The following ZNF366 variants were observed in gnomAD, a reference collection of about 807,000 sequenced individuals.
The protein encoded by ZNF366 is zinc finger protein 366.
In ZNF366, 20 loss-of-function variants were observed where a neutral mutation model predicts 47.2. The ratio of observed to expected loss-of-function variants is 0.42; its 90% CI spans 0.30 to 0.62. The LOEUF is 0.62. Ranked by LOEUF, ZNF366 falls within the 20% of genes least tolerant of loss-of-function variation. ZNF366 has a pLI of 0.16. For missense variants in ZNF366, 987 were observed against 976.3 expected (o/e 1.01, Z -0.15); for synonymous variants, 421 against 395.1 (o/e 1.07, Z -0.78).
At chr5:72,477,968 T>C (rs1743708965) in intron 1 of ZNF366, among the ~76,000 whole-genome samples, 1 of 152,308 alleles carries the variant, frequency 6.6e-6, no homozygotes, top group Admixed American at 6.5e-5. Context: ...CAAACAGTTG[T>C]TGAGCCCACT....
intron 1 of ZNF366, among the ~76,000 whole-genome samples, chr5:72,480,893 T>C (rs1743777760): frequency 6.6e-6 from 1 of 152,152 alleles, no homozygotes; most frequent in Admixed American, 6.6e-5. Flanking sequence ...GAAGACTGCT[T>C]TGTAGGGAGG....
intron 1 of ZNF366, among the ~76,000 whole-genome samples, chr5:72,502,093 T>C (rs1012470952): frequency 4.6e-5 from 7 of 152,214 alleles, no homozygotes; most frequent in Non-Finnish European, 8.8e-5. Context: ...ATAGCATCTT[T>C]CATTCTACAG....
chr5:72,484,438 C>G, intron 1 of ZNF366, among the ~76,000 whole-genome samples: 1 of 148,534 alleles, frequency 6.7e-6, no homozygotes. Context: ...GAGCCGAGAT[C>G]CCGCCACTGC....
rs147804993 is a variant in ZNF366, at chr5:72,505,876, C to T, written c.-15+1375G>A. ...ATTGTTATTAGAATAATTTTGCATC[C>T]GCAAGCTGGCAAACGCTATTCACGT... On this transcript the variant is annotated intron_variant, in intron 1 of 4. Transcript: ENST00000318442. 5.9e-3 allele frequency among the ~76,000 whole-genome samples: 902 copies of T among 152,212 alleles called. 10 individuals are homozygous for T. Among genetic ancestry groups the T allele is most frequent in the Middle Eastern group, 0.027 (8 of 294 alleles).
chr5:72,461,775 A>G (rs1255851774), intron 1 of ZNF366, among the ~76,000 whole-genome samples: 1 of 152,182 alleles, frequency 6.6e-6, no homozygotes, highest in African/African-American at 2.4e-5. Context: ...CCACAAAACC[A>G]CAAGGGGTGA....
At chr5:72,470,311 G>A (rs908784042) in intron 1 of ZNF366, among the ~76,000 whole-genome samples, 2 of 152,168 alleles carry the variant, frequency 1.3e-5, no homozygotes, top group African/African-American at 2.4e-5. Flanking sequence ...TACCTGAGCA[G>A]CCAACTGCCT....
chr5:72,490,225 G>A (rs1743978130), intron 1 of ZNF366, among the ~76,000 whole-genome samples: 3 of 152,096 alleles, frequency 2.0e-5, no homozygotes, highest in Admixed American at 2.0e-4. Context: ...TAGTCAATTA[G>A]GCCATCAACA....
chr5:72,488,007 A>G (rs1743925497), intron 1 of ZNF366, among the ~76,000 whole-genome samples: 1 of 152,076 alleles, frequency 6.6e-6, no homozygotes, highest in African/African-American at 2.4e-5. Flanking sequence ...GGAGTTCGAG[A>G]CCAGCCTGGC....
At chr5:72,464,758 T>C (rs1174656579) in intron 1 of ZNF366, among the ~76,000 whole-genome samples, 2 of 152,180 alleles carry the variant, frequency 1.3e-5, no homozygotes, top group African/African-American at 4.8e-5. Flanking sequence ...ACCCAGAAGG[T>C]TTTTTAAAAA....
At chr5:72,483,611 C>G (rs1041969779) in intron 1 of ZNF366, among the ~76,000 whole-genome samples, 4 of 152,194 alleles carry the variant, frequency 2.6e-5, no homozygotes, top group Non-Finnish European at 4.4e-5. Context: ...TCGCCATGCT[C>G]CCTGGACACC....
intron 1 of ZNF366, among the ~76,000 whole-genome samples, chr5:72,481,982 T>C (rs1743797416): frequency 6.6e-6 from 1 of 152,332 alleles, no homozygotes; most frequent in South Asian, 2.1e-4. Flanking sequence ...AGTTTTAAAG[T>C]TCTAGAGTCC....
chr5:72,456,294 T>A (rs1237434480), intron 3 of ZNF366, 110 bp downstream of exon 3: 2 of 1,266,270 alleles, frequency 1.6e-6, no homozygotes, highest in East Asian at 2.3e-5. Context: ...ACGGACCTAC[T>A]CTGAGCCCCC....
intron 1 of ZNF366, among the ~76,000 whole-genome samples, chr5:72,503,714 T>G (rs1310839463): frequency 6.6e-6 from 1 of 152,240 alleles, no homozygotes; most frequent in African/African-American, 2.4e-5. Context: ...GGTCTTTTTC[T>G]ACTCCACCAA....
chr5:72,484,478 C>T lies in ZNF366; in HGVS notation c.-15+22773G>A, dbSNP rs1359200381. ...CAGCCTGGGCGACAGAGCGAGACTC[C>T]GTCTCAAAAAAAAAAAAAATAATAA... On this transcript the variant is annotated intron_variant, in intron 1 of 4. Transcript: ENST00000318442. 2.2e-5 allele frequency among the ~76,000 whole-genome samples: 3 copies of T among 135,954 alleles called. No individual in the cohort carries two copies. In the Admixed American group the frequency reaches 2.2e-4, roughly 10 times the overall value. 89.2% of individuals were successfully genotyped at this position (135,954 alleles called of 152,430 possible). A position where few individuals can be genotyped will look rare whatever the true frequency, so the allele number is the denominator to read the frequency against.
At chr5:72,455,528 C>T (rs953671328) in intron 3 of ZNF366, among the ~76,000 whole-genome samples, 27 of 152,186 alleles carry the variant, frequency 1.8e-4, no homozygotes, top group Non-Finnish European at 5.9e-5. Context: ...TTGGCCAGTA[C>T]ATCACTCGGA....
intron 1 of ZNF366, among the ~76,000 whole-genome samples, chr5:72,477,723 G>T (rs1743702831): frequency 6.6e-6 from 1 of 152,188 alleles, no homozygotes; most frequent in Non-Finnish European, 1.5e-5. Context: ...CACATAACCT[G>T]GAAGTAAGGG....
intron 3 of ZNF366, among the ~76,000 whole-genome samples, chr5:72,452,816 T>A (rs1743101019): frequency 6.6e-6 from 1 of 152,206 alleles, no homozygotes; most frequent in South Asian, 2.1e-4. Flanking sequence ...AGCTGGTTCT[T>A]TGCTGTTATG....
At chr5:72,473,284 G>T (rs375026189) in intron 1 of ZNF366, among the ~76,000 whole-genome samples, 30 of 152,332 alleles carry the variant, frequency 2.0e-4, no homozygotes, top group Non-Finnish European at 3.8e-4. Context: ...GAGGGAGATT[G>T]TCAGTGTGGA....
chr5:72,501,904 A>G (rs939787710), intron 1 of ZNF366, among the ~76,000 whole-genome samples: 1 of 152,332 alleles, frequency 6.6e-6, no homozygotes, highest in Non-Finnish European at 1.5e-5. Context: ...CCAAGACGAC[A>G]TTTTAATACA....
Sources: allele counts gnomAD v4.1 joint callset (sites outside exome capture counted in the v4.1 genomes callset), GRCh38; gene constraint gnomAD v4.1.1; transcripts MANE v1.5; gene names NCBI Gene and HGNC (gene_info 2026-07-23, HGNC 2026-07-21).